TATDN2: variants seen among roughly 807,000 people sequenced by gnomAD.
TATDN2 encodes the protein TatD DNase domain containing 2.
A neutral mutation model predicts 60.3 loss-of-function variants in TATDN2; 44 were observed. The ratio of observed to expected loss-of-function variants is 0.73; its 90% CI spans 0.57 to 0.94. The LOEUF (loss-of-function observed/expected upper bound fraction) is 0.94. Among genes scored for constraint, TATDN2 ranks in the 40% least tolerant of loss-of-function variants. The pLI is 0.00. For synonymous variants in TATDN2, 399 were observed against 355.8 expected (o/e 1.12, Z -1.37); for missense variants, 997 against 948.0 (o/e 1.05, Z -0.68).
chr3:10,269,322 G>T (rs1412463227), intron 3 of TATDN2, among the ~76,000 whole-genome samples: 2 of 152,236 alleles, frequency 1.3e-5, no homozygotes, highest in Admixed American at 1.3e-4. Flanking sequence ...TTGGCTATAA[G>T]TAAGTCTCTA....
At position 10,250,304 on chromosome 3, in the gene TATDN2, A is replaced by G. The variant is rs191310652; in HGVS notation, c.414+690A>G. On this transcript the variant is annotated intron_variant, in intron 2 of 7. Coordinates refer to ENST00000448281, the MANE Select transcript of TATDN2 (RefSeq NM_014760.4). ...AAGATACATTTCGCTCATCTACTCA[A>G]TCAAGGCTTTGAACAAATATGTGTT... is the stretch of plus-strand genomic sequence containing the variant. 4.6e-5 allele frequency among the ~76,000 whole-genome samples: 7 copies of G among 152,178 alleles called. No homozygotes were observed. In the East Asian group the frequency reaches 1.2e-3, roughly 25 times the overall value.
chr3:10,270,607 A>G lies in TATDN2; in HGVS notation c.1425A>G (p.Gly475=), dbSNP rs759199064. ...FQEEMPPRPC[G]GHASSSLPKS... is the part of the protein sequence containing the mutation. ...AGGAGATGCCTCCGCGTCCTTGTGG[A>G]GGACACGCATCCAGCTCCCTGCCAA... The change falls in exon 4 of 8, where the codon GGA becomes GGG. Residue 475 remains glycine, a synonymous_variant. Transcript: ENST00000448281. The G allele has an allele frequency of 6.2e-7, 1 of 1,614,252 alleles. No homozygotes were observed. The highest frequency in any genetic ancestry group is 1.1e-5 in the South Asian group (1 of 91,090).
At chr3:10,250,682 A>G (rs1698222445) in intron 2 of TATDN2, among the ~76,000 whole-genome samples, 1 of 152,170 alleles carries the variant, frequency 6.6e-6, no homozygotes, top group African/African-American at 2.4e-5. Flanking sequence ...TGTGGACCTC[A>G]CTGTCTGAAC....
At chr3:10,259,584 T>A (rs1698369751) in intron 2 of TATDN2, among the ~76,000 whole-genome samples, 1 of 152,222 alleles carries the variant, frequency 6.6e-6, no homozygotes, top group Non-Finnish European at 1.5e-5. Context: ...CCTGGTGCAG[T>A]CACTGAGAAA....
intron 2 of TATDN2, among the ~76,000 whole-genome samples, chr3:10,254,223 A>C (rs1228445913): frequency 6.6e-6 from 1 of 152,134 alleles, no homozygotes; most frequent in Non-Finnish European, 1.5e-5. Context: ...CGGGGCAGTG[A>C]GTGGAGAGCT....
chr3:10,255,007 T>TCCCCC (rs1559459455), intron 2 of TATDN2, among the ~76,000 whole-genome samples: 1 of 68,760 alleles, frequency 1.5e-5, no homozygotes, highest in African/African-American at 1.1e-4. Context: ...TCCTTCCCAC[T>TCCCCC]TCCCACTCCC....
chr3:10,252,893 G>A (rs1408700941), intron 2 of TATDN2, among the ~76,000 whole-genome samples: 2 of 128,318 alleles, frequency 1.6e-5, no homozygotes, highest in Admixed American at 1.8e-4. Context: ...ATCTTGCTCT[G>A]TCACCCAGGC....
In TATDN2 at chr3:10,276,333, C is replaced by CA. The variant is rs767171375; in HGVS notation, c.1834-27dup. On this transcript the variant is annotated intron_variant, in intron 4 of 7. Coordinates refer to ENST00000448281, the MANE Select transcript of TATDN2 (RefSeq NM_014760.4). ...GGACTTCTGAAGTGCTGCTAACCAA[C>CA]AGGGGTTGTCGCTGTGTCCTCTCCT... The CA allele has an allele frequency of 9.3e-6, 15 of 1,611,934 alleles. No individual in the cohort carries two copies. In the African/African-American group the frequency reaches 2.0e-4, roughly 22 times the overall value.
chr3:10,271,069 G>A (rs969730979), intron 4 of TATDN2, 54 bp downstream of exon 4: 12 of 1,497,890 alleles, frequency 8.0e-6, no homozygotes, highest in African/African-American at 2.8e-5. Flanking sequence ...TTTAGTTGTT[G>A]AAGCCTGACA....
chr3:10,275,725 G>A (rs1364254102), intron 4 of TATDN2, among the ~76,000 whole-genome samples: 5 of 151,708 alleles, frequency 3.3e-5, no homozygotes, highest in African/African-American at 7.3e-5. Context: ...CAGCCTGGGC[G>A]ACAGAGCAAG....
chr3:10,278,583 T>C lies in TATDN2; in HGVS notation c.2145+121T>C, dbSNP rs1050493861. On this transcript the variant is annotated intron_variant, in intron 6 of 7. Transcript: ENST00000448281. The surrounding 1 kb of genome is among the most constrained non-coding windows in gnomAD (Gnocchi z 4.7). ...GACTTCCAGGTCCCATCCTGGGCTG[T>C]GTAGATGCCTCCTTGCTGTTACTCT... 1.5e-6 allele frequency: 2 copies of C among 1,330,440 alleles called. No homozygotes were observed. The highest frequency in any genetic ancestry group is 2.9e-5 in the African/African-American group (2 of 69,456). The allele number at this position is 1,330,440 out of a possible 1,614,324, so 82.4% of individuals were successfully genotyped here. A position where few individuals can be genotyped will look rare whatever the true frequency, so the allele number is the denominator to read the frequency against.
chr3:10,264,882 G>T (rs1698454667), intron 3 of TATDN2, among the ~76,000 whole-genome samples: 1 of 151,658 alleles, frequency 6.6e-6, no homozygotes, highest in Non-Finnish European at 1.5e-5. Context: ...TTTCATTTTG[G>T]CCAGGCTGGT....
chr3:10,259,273 G>A (rs1698365052), intron 2 of TATDN2, among the ~76,000 whole-genome samples: 1 of 152,246 alleles, frequency 6.6e-6, no homozygotes, highest in East Asian at 1.9e-4. Flanking sequence ...CTGGATTACA[G>A]GCATGAGCCA....
At chr3:10,263,783 G>A (rs1698440230) in intron 3 of TATDN2, among the ~76,000 whole-genome samples, 1 of 152,182 alleles carries the variant, frequency 6.6e-6, no homozygotes, top group East Asian at 1.9e-4. Flanking sequence ...TTGGTTGTCT[G>A]TTTATGATCA....
intron 3 of TATDN2, among the ~76,000 whole-genome samples, chr3:10,268,868 C>T (rs192971044): frequency 2.8e-4 from 42 of 152,262 alleles, no homozygotes; most frequent in African/African-American, 9.9e-4. Flanking sequence ...TCTAGTAGGA[C>T]TAAGCCGATT....
intron 3 of TATDN2, among the ~76,000 whole-genome samples, chr3:10,261,001 T>C (rs1698393938): frequency 6.6e-6 from 1 of 152,194 alleles, no homozygotes; most frequent in Admixed American, 6.5e-5. Flanking sequence ...GAGATACTGG[T>C]ACCTTTTGTC....
intron 2 of TATDN2, 37 bp from the exon 3 acceptor site, chr3:10,260,100 T>C: frequency 6.4e-7 from 1 of 1,573,718 alleles, no homozygotes; most frequent in Non-Finnish European, 8.6e-7. Flanking sequence ...AAAGTGCCCT[T>C]GGAACAGCCC....
At chr3:10,271,296 G>A (rs147830903) in intron 4 of TATDN2, among the ~76,000 whole-genome samples, 1 of 152,310 alleles carries the variant, frequency 6.6e-6, no homozygotes, top group East Asian at 1.9e-4. Flanking sequence ...TTCTTGGGAA[G>A]CAATAAACTT....
intron 3 of TATDN2, among the ~76,000 whole-genome samples, chr3:10,263,019 G>A (rs1210303371): frequency 6.6e-6 from 1 of 152,070 alleles, no homozygotes; most frequent in African/African-American, 2.4e-5. Flanking sequence ...TCCTGCCTCA[G>A]CCTTGTGAGT....
Sources: gnomAD v4.1 joint callset for allele counts (sites outside exome capture counted in the v4.1 genomes callset) on GRCh38, gnomAD v4.1.1 for gene constraint, Gnocchi (gnomAD v3.1) non-coding constraint, MANE v1.5 for transcripts, NCBI Gene and HGNC (gene_info 2026-07-23, HGNC 2026-07-21) for gene names.